SH3TC1: variants seen among roughly 807,000 people sequenced by gnomAD.
SH3TC1 encodes SH3 domain and tetratricopeptide repeat-containing protein 1.
SH3TC1 carries 135 observed loss-of-function variants against 117.3 expected under a neutral mutation model. That is an observed-to-expected ratio of 1.15 (90% CI 1.00 to 1.33). The LOEUF is 1.33. Ranked by LOEUF, SH3TC1 falls within the 40% of genes most tolerant of loss-of-function variation. SH3TC1 has a pLI of 0.00. For missense variants in SH3TC1, 2,092 were observed against 1,794.3 expected, an observed-to-expected ratio of 1.17 and a Z score of -3.00; for synonymous variants, 898 against 816.9, an observed-to-expected ratio of 1.10 and a Z score of -1.69.
chr4:8,196,916 G>A (rs1345845614), upstream of SH3TC1, among the ~76,000 whole-genome samples: 1 of 152,136 alleles, frequency 6.6e-6, no homozygotes, highest in African/African-American at 2.4e-5. This position sits in a 1 kb window ranked among gnomAD's most constrained non-coding sequence, Gnocchi z 4.6. Flanking sequence ...GTGATTGGGG[G>A]CCAATGTTTC....
chr4:8,214,745 G>T (rs541725692), intron 5 of SH3TC1, among the ~76,000 whole-genome samples, 165 bp downstream of exon 5: 1 of 152,150 alleles, frequency 6.6e-6, no homozygotes, highest in Non-Finnish European at 1.5e-5. Context: ...GTGCAATGGC[G>T]CAATCTTAGC....
In SH3TC1 at chr4:8,235,478, C is replaced by T. The variant is rs1200796866; in HGVS notation, c.3328C>T (p.Leu1110=). 1 of 1,603,252 alleles carries T rather than the reference C, an allele frequency of 6.2e-7. No individual in the cohort carries two copies. The highest frequency in any genetic ancestry group is 1.3e-5 in the African/African-American group (1 of 74,552). The change falls in exon 15 of 18, where the codon CTG becomes TTG. Residue 1110 remains leucine (L), a synonymous_variant. Coordinates refer to ENST00000245105, the MANE Select transcript of SH3TC1 (RefSeq NM_018986.5). ...ALYTGDPNLG[L]ELFEAAGDIF... ...GTACACAGGCGACCCCAACCTGGGG[C>T]TGGAGCTGTTTGAGGCGGCTGGAGA...
intron 5 of SH3TC1, chr4:8,215,355 G>A: frequency 2.4e-6 from 1 of 425,320 alleles, no homozygotes; most frequent in South Asian, 1.6e-5. Context: ...AGTGAGTTAG[G>A]GAGTAAGAAT....
chr4:8,240,364 C>T (rs1288821195), intron 17 of SH3TC1, among the ~76,000 whole-genome samples: 1 of 152,180 alleles, frequency 6.6e-6, no homozygotes, highest in Non-Finnish European at 1.5e-5. Flanking sequence ...CCTGCTGTGG[C>T]TGGGAGCCAT....
rs555106056 is a variant in SH3TC1 at position 8,203,007 on chromosome 4, G to A, written c.-28-2160G>A. 3.3e-5 allele frequency among the ~76,000 whole-genome samples: 5 copies of A among 152,336 alleles called. No individual in the cohort carries two copies. The East Asian group carries it at 9.6e-4, about 29-fold the overall frequency. On this transcript the variant is annotated intron_variant, in intron 1 of 17. Transcript: ENST00000245105. Reference sequence around the variant, plus strand: ...CTCAGGGTGACAGCCACAGCCATGGGGGCAGGGGTGATGGCTGGGCTTACA... The same window carrying A: ...CTCAGGGTGACAGCCACAGCCATGGAGGCAGGGGTGATGGCTGGGCTTACA...
chr4:8,204,579 T>C (rs1214709586), intron 1 of SH3TC1, among the ~76,000 whole-genome samples: 1 of 152,170 alleles, frequency 6.6e-6, no homozygotes, highest in African/African-American at 2.4e-5. Context: ...TCTGACTATG[T>C]GCTTGCCATC....
intron 1 of SH3TC1, among the ~76,000 whole-genome samples, chr4:8,185,354 C>T (rs762670470): frequency 3.9e-5 from 6 of 151,936 alleles, no homozygotes; most frequent in East Asian, 3.9e-4. Context: ...ACAAAAAAAG[C>T]GCACACATTA....
intron 13 of SH3TC1, chr4:8,232,560 C>T (rs1250389900): frequency 1.5e-6 from 2 of 1,361,480 alleles, no homozygotes; most frequent in South Asian, 1.1e-5. Flanking sequence ...CCTGTGGCTT[C>T]TCTCCCACAG....
At chr4:8,191,921 CTG>C (rs1324436192) in intron 1 of SH3TC1, among the ~76,000 whole-genome samples, 2 of 152,078 alleles carry the variant, frequency 1.3e-5, no homozygotes, top group Non-Finnish European at 2.9e-5. Flanking sequence ...TCCGGCCGGG[CTG>C]TGTTTTCCAG....
At chr4:8,231,576 CCCAACATGATG>C in intron 12 of SH3TC1, 1 of 189,196 alleles carries the variant, frequency 5.3e-6, no homozygotes, top group Non-Finnish European at 1.1e-5. Flanking sequence ...GCCCCATTCC[CCCAACATGATG>C]CCGTGTGTGG....
At position 8,233,252 on chromosome 4, in the gene SH3TC1, G is replaced by T. The variant is rs190306910; in HGVS notation, c.3132-111G>T. The T allele has an allele frequency of 2.9e-3, 4,242 of 1,475,630 alleles. 8 individuals are homozygous for T. Among genetic ancestry groups the T allele is most frequent in the Non-Finnish European group, 3.5e-3 (3,900 of 1,117,276 alleles). The allele number at this position is 1,475,630 out of a possible 1,614,324, so 91.4% of individuals were successfully genotyped here. On this transcript the variant is annotated intron_variant, in intron 13 of 17. Coordinates refer to ENST00000245105, the MANE Select transcript of SH3TC1 (RefSeq NM_018986.5). ...AGGGCAGGACACTGCACACACAAGA[G>T]GGCCGTTCCCAGTCCCATTCCAGAT...
At chr4:8,238,979 C>T (rs1722076166) in intron 17 of SH3TC1, among the ~76,000 whole-genome samples, 1 of 152,214 alleles carries the variant, frequency 6.6e-6, no homozygotes, top group Admixed American at 6.5e-5. Flanking sequence ...CAAGGCCACA[C>T]CCTCCTCCTT....
Position 8,227,973 on chromosome 4 carries a change from G to T in SH3TC1, c.2279G>T (p.Ser760Ile). Residue 760 changes from serine (S) to isoleucine (I), a missense_variant, in exon 12 of 18, where the codon AGC becomes ATC. Ser to Ile is a moderately radical substitution (Grantham distance 142). Coordinates refer to ENST00000245105, the MANE Select transcript of SH3TC1 (RefSeq NM_018986.5). ...LVLQNAPQPH[S>I]LPAQTSHYLR... Reference sequence around the variant, plus strand: ...CTCCAGAACGCCCCCCAGCCCCACAGCCTCCCTGCCCAAACTTCCCACTAC... The same window carrying T: ...CTCCAGAACGCCCCCCAGCCCCACATCCTCCCTGCCCAAACTTCCCACTAC... 6.2e-7 allele frequency: 1 copy of T among 1,612,370 alleles called. No homozygotes were observed. The highest frequency in any genetic ancestry group is 8.5e-7 in the Non-Finnish European group (1 of 1,179,768).
intron 9 of SH3TC1, among the ~76,000 whole-genome samples, chr4:8,220,116 G>T (rs907110076): frequency 2.0e-5 from 3 of 152,166 alleles, no homozygotes; most frequent in Non-Finnish European, 4.4e-5. Flanking sequence ...AATTACATCT[G>T]CAAAGATCCT....
chr4:8,219,795 C>G (rs1002932561), intron 9 of SH3TC1, among the ~76,000 whole-genome samples: 2 of 152,216 alleles, frequency 1.3e-5, no homozygotes, highest in South Asian at 4.1e-4. Flanking sequence ...CCGTGGCTAC[C>G]GTGATAAGGC....
chr4:8,196,014 G>A (rs28414096), upstream of SH3TC1, among the ~76,000 whole-genome samples: 588 of 152,346 alleles, frequency 3.9e-3, 6 homozygotes, highest in African/African-American at 0.013. This position sits in a 1 kb window ranked among gnomAD's most constrained non-coding sequence, Gnocchi z 4.6. Flanking sequence ...CAGGGACGTC[G>A]GTTCTTCCCC....
chr4:8,218,822 T>A (rs1719595468), intron 8 of SH3TC1, among the ~76,000 whole-genome samples: 1 of 152,260 alleles, frequency 6.6e-6, no homozygotes, highest in Non-Finnish European at 1.5e-5. Context: ...AAGCTGGCAC[T>A]GCCAGCAGCC....
chr4:8,232,044 G>A lies in SH3TC1; in HGVS notation c.3019G>A (p.Val1007Ile), dbSNP rs1320595331. 6.2e-7 allele frequency: 1 copy of A among 1,613,434 alleles called. No homozygotes were observed. Reference protein sequence around the residue: ...SAVMPSEAQCVIYHELQLSLA... With the variant: ...SAVMPSEAQCIIYHELQLSLA... ...CGTCATGCCCAGCGAGGCCCAGTGT[G>A]TCATCTACCATGAGCTCCAGCTCTC... Residue 1007 changes from valine (V) to isoleucine (I), a missense_variant, in exon 13 of 18, where the codon GTC (valine) becomes ATC (isoleucine). Physicochemically the swap from Val to Ile is conservative, Grantham distance 29. Transcript: ENST00000245105.
chr4:8,216,589 GCTGTCTTTCCT>G (rs1719300143), intron 6 of SH3TC1, among the ~76,000 whole-genome samples: 1 of 152,202 alleles, frequency 6.6e-6, no homozygotes, highest in South Asian at 2.1e-4. Flanking sequence ...GGGACATGAG[GCTGTCTTTCCT>G]ACCCGACCAC....
Sources: gnomAD v4.1 joint callset for allele counts (sites outside exome capture counted in the v4.1 genomes callset) on GRCh38, gnomAD v4.1.1 for gene constraint, Gnocchi (gnomAD v3.1) non-coding constraint, MANE v1.5 for transcripts, NCBI Gene and HGNC (gene_info 2026-07-23, HGNC 2026-07-21) for gene names.